WWOX: variants seen among roughly 807,000 people sequenced by gnomAD.
WWOX encodes WW domain-containing oxidoreductase.
In WWOX, 69 loss-of-function variants were observed where a neutral mutation model predicts 46.2. The ratio of observed to expected loss-of-function variants is 1.49; its 90% CI spans 1.23 to 1.82. The LOEUF (loss-of-function observed/expected upper bound fraction) is 1.82, where lower values mean the gene tolerates loss of function less well. Among genes scored for constraint, WWOX ranks in the 40% most tolerant of loss-of-function variants. The pLI is 0.00. For synonymous variants in WWOX, 359 were observed against 202.6 expected (o/e 1.77, Z -6.56); for missense variants, 919 against 542.6 (o/e 1.69, Z -6.89).
intron 5 of WWOX, among the ~76,000 whole-genome samples, chr16:78,185,304 A>G (rs1184672272): frequency 6.6e-6 from 1 of 152,236 alleles, no homozygotes; most frequent in Non-Finnish European, 1.5e-5. Context: ...GAATCAGAAG[A>G]ATATAGAACA....
intron 8 of WWOX, among the ~76,000 whole-genome samples, chr16:79,030,862 C>T (rs868052810): frequency 2.0e-4 from 30 of 152,020 alleles, no homozygotes; most frequent in African/African-American, 6.8e-4. Context: ...GCAGGAGGAT[C>T]GCTTGAGCCC....
At chr16:78,885,193 T>C (rs1200702853) in intron 8 of WWOX, among the ~76,000 whole-genome samples, 31 of 124,346 alleles carry the variant, frequency 2.5e-4, no homozygotes, top group Middle Eastern at 4.0e-3. Flanking sequence ...CACTCTCTAC[T>C]TTTTTTTTTT....
At chr16:79,022,083 C>T (rs2047545150) in intron 8 of WWOX, among the ~76,000 whole-genome samples, 1 of 152,156 alleles carries the variant, frequency 6.6e-6, no homozygotes, top group African/African-American at 2.4e-5. Context: ...TGCCAAGTAC[C>T]CTCTGGGCAG....
intron 5 of WWOX, among the ~76,000 whole-genome samples, chr16:78,184,455 C>T (rs1353136009): frequency 6.6e-6 from 1 of 151,866 alleles, no homozygotes; most frequent in African/African-American, 2.4e-5. Flanking sequence ...CAATCATAAG[C>T]GTTTTATGAT....
chr16:78,355,537 C>T (rs972469468), intron 5 of WWOX: 8 of 400,422 alleles, frequency 2.0e-5, no homozygotes, highest in African/African-American at 6.6e-5. Flanking sequence ...ACATGGCAGA[C>T]AACGTAGACC....
intron 8 of WWOX, among the ~76,000 whole-genome samples, chr16:79,106,256 T>A (rs1177365794): frequency 6.6e-6 from 1 of 152,202 alleles, no homozygotes; most frequent in African/African-American, 2.4e-5. Context: ...TCTTCATCCC[T>A]TGTCAAACTT....
At chr16:79,036,202 A>C (rs1356930186) in intron 8 of WWOX, among the ~76,000 whole-genome samples, 1 of 152,306 alleles carries the variant, frequency 6.6e-6, no homozygotes, top group African/African-American at 2.4e-5. Context: ...TAGCGTCTCA[A>C]ACAGTATACC....
At chr16:78,892,086 C>G (rs565605250) in intron 8 of WWOX, 1 of 152,210 alleles carries the variant, frequency 6.6e-6, no homozygotes, top group South Asian at 2.1e-4. Context: ...TAGTGAATGT[C>G]TTCTGTTTCT....
chr16:79,169,716 G>C (rs2050663673), intron 8 of WWOX, among the ~76,000 whole-genome samples: 1 of 152,214 alleles, frequency 6.6e-6, no homozygotes, highest in Non-Finnish European at 1.5e-5. Flanking sequence ...AAATGGGTGG[G>C]TGGGCAGGAT....
At chr16:78,822,377 T>G (rs1361540987) in intron 8 of WWOX, among the ~76,000 whole-genome samples, 1 of 152,076 alleles carries the variant, frequency 6.6e-6, no homozygotes, top group Admixed American at 6.5e-5. Flanking sequence ...GCCTGTAATC[T>G]TAGCTACTCA....
intron 8 of WWOX, among the ~76,000 whole-genome samples, chr16:78,659,581 C>G (rs548582844): frequency 7.1e-4 from 108 of 152,252 alleles, no homozygotes; most frequent in Admixed American, 1.4e-3. Context: ...AATCAATTAT[C>G]AAATGTTTCC....
At chr16:79,133,345 C>G (rs926238447) in intron 8 of WWOX, among the ~76,000 whole-genome samples, 3 of 152,160 alleles carry the variant, frequency 2.0e-5, no homozygotes, top group African/African-American at 7.2e-5. Flanking sequence ...AGGTCCCCCT[C>G]AACATTAACG....
intron 6 of WWOX, among the ~76,000 whole-genome samples, chr16:78,423,317 T>C (rs2082995944): frequency 6.6e-6 from 1 of 152,156 alleles, no homozygotes; most frequent in African/African-American, 2.4e-5. Context: ...GGTCGGTAGA[T>C]TTGTTTATGA....
intron 5 of WWOX, among the ~76,000 whole-genome samples, chr16:78,266,822 C>CTCTCTCTCTCTCTCTCTCTG (rs1480587353): frequency 6.7e-6 from 1 of 150,040 alleles, no homozygotes; most frequent in Non-Finnish European, 1.5e-5. Context: ...CTCTCTCTCT[C>CTCTCTCTCTCTCTCTCTCTG]TCTGTCTCCC....
At chr16:78,828,988 A>T (rs574869083) in intron 8 of WWOX, among the ~76,000 whole-genome samples, 2 of 152,348 alleles carry the variant, frequency 1.3e-5, no homozygotes, top group African/African-American at 4.8e-5. Context: ...TGGCAAAGCT[A>T]GGATTTAAAC....
chr16:78,481,063 CAAA>C (rs889021596), intron 8 of WWOX, among the ~76,000 whole-genome samples: 27 of 152,128 alleles, frequency 1.8e-4, no homozygotes, highest in Admixed American at 4.6e-4. Flanking sequence ...AATGGAAAAA[CAAA>C]AATCTAAATT....
chr16:78,867,032 C>G (rs1035272294), intron 8 of WWOX, among the ~76,000 whole-genome samples: 1 of 152,152 alleles, frequency 6.6e-6, no homozygotes, highest in Non-Finnish European at 1.5e-5. Context: ...TCTAGTCCTT[C>G]TTGACTTTGT....
intron 8 of WWOX, among the ~76,000 whole-genome samples, chr16:78,831,611 G>C (rs911696448): frequency 6.6e-6 from 1 of 152,168 alleles, no homozygotes; most frequent in African/African-American, 2.4e-5. Flanking sequence ...CCTTAGGTGG[G>C]TCACTCAGTC....
At chr16:78,910,236 C>G (rs1303630558) in intron 8 of WWOX, among the ~76,000 whole-genome samples, 1 of 150,196 alleles carries the variant, frequency 6.7e-6, no homozygotes, top group South Asian at 2.1e-4. Context: ...GGGAGATTTA[C>G]AAGCCAGTGC....
Sources: allele counts gnomAD v4.1 joint callset (sites outside exome capture counted in the v4.1 genomes callset), GRCh38; gene constraint gnomAD v4.1.1; transcripts MANE v1.5; gene names NCBI Gene and HGNC (gene_info 2026-07-23, HGNC 2026-07-21).